The following MYO3A variants were observed in gnomAD, a reference collection of about 807,000 sequenced individuals.
The protein encoded by MYO3A is myosin IIIA, also known as myosin-IIIa.
A neutral mutation model predicts 192.7 loss-of-function variants in MYO3A; 180 were observed. The ratio of observed to expected loss-of-function variants is 0.93; its 90% CI spans 0.83 to 1.06. MYO3A has a LOEUF of 1.06. MYO3A is among the 50% of genes least tolerant of loss of function. MYO3A has a pLI of 0.00. For synonymous variants in MYO3A, 628 were observed against 645.3 expected (o/e 0.97, Z 0.41); for missense variants, 1,896 against 1,905.0 (o/e 1.00, Z 0.09).
chr10:26,051,910 T>C (rs1844028283), intron 10 of MYO3A, among the ~76,000 whole-genome samples: 1 of 152,184 alleles, frequency 6.6e-6, no homozygotes, highest in Non-Finnish European at 1.5e-5. Flanking sequence ...ATTTATCTGA[T>C]CCTTTACATA....
At chr10:26,081,414 G>A (rs1219463908) in intron 14 of MYO3A, among the ~76,000 whole-genome samples, 1 of 152,040 alleles carries the variant, frequency 6.6e-6, no homozygotes, top group Non-Finnish European at 1.5e-5. Context: ...CTCCCACCAT[G>A]CCCCCGCAAC....
intron 14 of MYO3A, among the ~76,000 whole-genome samples, chr10:26,081,948 G>A (rs749665295): frequency 5.9e-5 from 9 of 152,140 alleles, no homozygotes; most frequent in Non-Finnish European, 8.8e-5. Context: ...GGAGCAATCC[G>A]CTTTCTTTAG....
intron 25 of MYO3A, among the ~76,000 whole-genome samples, chr10:26,156,255 C>T (rs978047203): frequency 4.6e-5 from 7 of 152,192 alleles, no homozygotes; most frequent in Admixed American, 3.3e-4. Flanking sequence ...AGAGCTTTGT[C>T]GGTTGCCAAT....
Position 26,066,968 on chromosome 10 carries a change from T to C in MYO3A, c.954-7T>C, listed in dbSNP as rs772234250. ...ATTCTTAAATCAGAAAGCGTTTTTC[T>C]CCACAGACGTGAACGTATTCACACG... On this transcript the variant is annotated splice_region_variant and splice_polypyrimidine_tract_variant and intron_variant, in intron 10 of 34. Transcript: ENST00000642920. 3 of 1,597,776 alleles carry C rather than the reference T, an allele frequency of 1.9e-6. No homozygotes were observed. The highest frequency in any genetic ancestry group is 2.2e-5 in the South Asian group (2 of 90,798).
chr10:26,129,924 T>C (rs1839433633), intron 20 of MYO3A, among the ~76,000 whole-genome samples: 1 of 152,188 alleles, frequency 6.6e-6, no homozygotes, highest in African/African-American at 2.4e-5. Context: ...TCTATCAGAA[T>C]TGCTAACTTT....
At chr10:26,208,195 C>G (rs1252441116) in intron 34 of MYO3A, among the ~76,000 whole-genome samples, 2 of 151,962 alleles carry the variant, frequency 1.3e-5, no homozygotes, top group Admixed American at 1.3e-4. Flanking sequence ...AAGATGGGAC[C>G]TAGTGGGGTC....
intron 4 of MYO3A, among the ~76,000 whole-genome samples, chr10:25,968,479 T>C (rs562287021): frequency 6.5e-4 from 99 of 152,320 alleles, no homozygotes; most frequent in Non-Finnish European, 1.3e-3. Flanking sequence ...AAAATCACCA[T>C]CAGTGGTAAA....
intron 34 of MYO3A, 40 bp downstream of exon 34, chr10:26,203,147 A>G (rs373266774): frequency 2.2e-5 from 35 of 1,590,692 alleles, no homozygotes; most frequent in Non-Finnish European, 2.7e-5. Flanking sequence ...TTGCAGTTTT[A>G]TACTCACAAT....
At chr10:26,048,819 T>G (rs1012263498) in intron 10 of MYO3A, among the ~76,000 whole-genome samples, 1 of 152,210 alleles carries the variant, frequency 6.6e-6, no homozygotes, top group Non-Finnish European at 1.5e-5. Flanking sequence ...GAGATAATGC[T>G]TTGAGTTGTT....
Position 25,938,921 on chromosome 10 carries a change from T to C in MYO3A, c.-18+3091T>C, listed in dbSNP as rs146505595. On this transcript the variant is annotated intron_variant, in intron 2 of 34. Transcript: ENST00000642920. ...TTACTAAGGTGGGTTTCTAGCCTCTTTCACCAATAGATTTGGTCATTACAT... is the reference window on the plus strand; with the variant it reads ...TTACTAAGGTGGGTTTCTAGCCTCTCTCACCAATAGATTTGGTCATTACAT... Among the ~76,000 whole-genome samples the C allele has an allele frequency of 5.1e-4, 77 of 152,300 alleles. 1 individual carries two copies. In the East Asian group the frequency reaches 0.013, roughly 25 times the overall value.
At chr10:26,005,006 T>C (rs1260415241) in intron 6 of MYO3A, among the ~76,000 whole-genome samples, 2 of 152,126 alleles carry the variant, frequency 1.3e-5, no homozygotes, top group Non-Finnish European at 2.9e-5. Flanking sequence ...AACTAGTGAG[T>C]TAAGTTTTGA....
At chr10:26,138,270 A>C (rs185462149) in intron 20 of MYO3A, among the ~76,000 whole-genome samples, 1 of 152,166 alleles carries the variant, frequency 6.6e-6, no homozygotes, top group African/African-American at 2.4e-5. Flanking sequence ...ATCTTTATTT[A>C]TCAGCCAGCT....
In MYO3A at chr10:26,011,706, C is replaced by A. The variant is rs551191782; in HGVS notation, c.509-5114C>A. On this transcript the variant is annotated intron_variant, in intron 6 of 34. Coordinates refer to ENST00000642920, the MANE Select transcript of MYO3A (RefSeq NM_017433.5). ...ATTCAAAGAAGAATGGATGCCAATC[C>A]CACTGAAACTATTCCAAAAGACTGA... 6.6e-5 allele frequency among the ~76,000 whole-genome samples: 10 copies of A among 152,234 alleles called. No homozygotes were observed. The South Asian group carries it at 2.1e-3, about 32-fold the overall frequency.
chr10:25,959,061 T>C (rs979588196), intron 4 of MYO3A, among the ~76,000 whole-genome samples: 2 of 152,160 alleles, frequency 1.3e-5, no homozygotes, highest in African/African-American at 4.8e-5. Context: ...TTAAGGAGTT[T>C]TGGGGCCAAG....
intron 8 of MYO3A, 118 bp from the exon 9 acceptor site, chr10:26,023,904 T>G: frequency 1.1e-6 from 1 of 885,920 alleles, no homozygotes; most frequent in East Asian, 2.5e-5. Context: ...TGGGAAAAGA[T>G]GGAATCCTTG....
intron 10 of MYO3A, among the ~76,000 whole-genome samples, chr10:26,058,676 T>C (rs998603428): frequency 5.9e-5 from 9 of 152,230 alleles, no homozygotes; most frequent in Non-Finnish European, 4.4e-5. Flanking sequence ...CAATATTGGT[T>C]GCCTATTCTG....
chr10:26,210,233 CTT>C (rs956725068), intron 34 of MYO3A, among the ~76,000 whole-genome samples: 13 of 152,280 alleles, frequency 8.5e-5, no homozygotes, highest in Admixed American at 2.0e-4. Context: ...CTTGCCATGA[CTT>C]ATATATTTGA....
At chr10:26,031,152 T>A (rs1363651136) in intron 10 of MYO3A, among the ~76,000 whole-genome samples, 1 of 152,228 alleles carries the variant, frequency 6.6e-6, no homozygotes, top group Non-Finnish European at 1.5e-5. Context: ...ATGTGCTAAT[T>A]CAGAATTCTT....
chr10:26,083,981 C>G (rs148291948), intron 14 of MYO3A, among the ~76,000 whole-genome samples: 1 of 152,256 alleles, frequency 6.6e-6, no homozygotes, highest in African/African-American at 2.4e-5. Context: ...GAAATCACAG[C>G]AAGACCAGCA....
Sources: allele counts gnomAD v4.1 joint callset (sites outside exome capture counted in the v4.1 genomes callset), GRCh38; gene constraint gnomAD v4.1.1; transcripts MANE v1.5; gene names NCBI Gene and HGNC (gene_info 2026-07-23, HGNC 2026-07-21).